Variants in SLC6A19 observed in about 807,000 individuals in gnomAD.
SLC6A19 encodes the protein solute carrier family 6 member 19, also known as sodium-dependent neutral amino acid transporter B(0)AT1.
Under a neutral mutation model 68.3 loss-of-function variants are expected in SLC6A19, and 67 were observed. The observed-to-expected ratio is 0.98, with a 90% CI of 0.81 to 1.20. SLC6A19 has a LOEUF of 1.20. Ranked by LOEUF, SLC6A19 falls within the 50% of genes most tolerant of loss-of-function variation. The probability of loss-of-function intolerance (pLI) is 0.00; values close to 1 mark genes in which losing one functional copy is unlikely to be tolerated. For synonymous variants in SLC6A19, 392 were observed against 374.9 expected (o/e 1.05, Z -0.53); for missense variants, 813 against 851.6 (o/e 0.95, Z 0.56).
Position 1,221,890 on chromosome 5 carries a change from G to A in SLC6A19, c.1891G>A (p.Asp631Asn). ...ACTGTCCACAGCCTCCATGAACGGGGACCTGAAGTACTGAGAAGGCCCATC... is the reference window on the plus strand; with the variant it reads ...ACTGTCCACAGCCTCCATGAACGGGAACCTGAAGTACTGAGAAGGCCCATC... Reference protein sequence around the residue: ...STLSTASMNGDLKY With the variant: ...STLSTASMNGNLKY The change falls in exon 12 of 12, where the codon GAC becomes AAC. Residue 631 changes from aspartate to asparagine, a missense_variant. By Grantham distance (23) the Asp-to-Asn change is conservative. Transcript: ENST00000304460. The A allele has an allele frequency of 1.2e-6, 2 of 1,614,112 alleles. No homozygotes were observed. The highest frequency in any genetic ancestry group is 1.1e-5 in the South Asian group (1 of 91,076).
At chr5:1,213,605 C>A (rs760248343) in intron 5 of SLC6A19, 32 bp downstream of exon 5, 2 of 1,588,698 alleles carry the variant, frequency 1.3e-6, no homozygotes, top group Non-Finnish European at 8.6e-7. Context: ...GGGCCCAGAC[C>A]CCGGGAGAGG....
rs961526802 is a variant in SLC6A19 at position 1,221,216 on chromosome 5, G to A, written c.1604G>A (p.Arg535His). 2.2e-5 allele frequency: 36 copies of A among 1,613,988 alleles called. No individual in the cohort carries two copies. Among genetic ancestry groups the A allele is most frequent in the Middle Eastern group, 1.6e-4 (1 of 6,084 alleles). Reference sequence around the variant, plus strand: ...AACATCTTCTGGCAAGTCACGTGGCGCGTGGTCAGCCCCCTGCTCATGCTG... The same window carrying A: ...AACATCTTCTGGCAAGTCACGTGGCACGTGGTCAGCCCCCTGCTCATGCTG... ...KPNIFWQVTW[R>H]VVSPLLMLII... The change falls in exon 11 of 12, where the codon CGC (arginine) becomes CAC (histidine). Residue 535 changes from arginine (R) to histidine (H), a missense_variant. Physicochemically the swap from Arg to His is conservative, Grantham distance 29. Coordinates refer to ENST00000304460, the MANE Select transcript of SLC6A19 (RefSeq NM_001003841.3).
intron 1 of SLC6A19, among the ~76,000 whole-genome samples, chr5:1,203,144 G>A (rs1296986537): frequency 6.6e-6 from 1 of 152,088 alleles, no homozygotes; most frequent in Non-Finnish European, 1.5e-5. Context: ...CCCCACTGGG[G>A]ATGGAGGGGC....
chr5:1,218,822 G>C, intron 8 of SLC6A19, 81 bp from the exon 9 acceptor site: 1 of 1,474,760 alleles, frequency 6.8e-7, no homozygotes, highest in Non-Finnish European at 9.3e-7. Flanking sequence ...GCGTGGCTTG[G>C]CGACGCACGA....
At position 1,219,509 on chromosome 5, in the gene SLC6A19, C is replaced by T. The variant is rs200312665; in HGVS notation, c.1383C>T (p.Leu461=). The change falls in exon 10 of 12, where the codon CTC becomes CTT. Residue 461 remains leucine (L), a synonymous_variant. Transcript: ENST00000304460. ...GCTCTGTCCCCCGGCCTGCAGGCCT[C>T]ATCTGCCTGGGGACATTCCTCATTG... ...PKWPKEVLTG[L]ICLGTFLIGF... is the part of the protein sequence containing the mutation. 15 of 1,611,478 alleles carry T rather than the reference C, an allele frequency of 9.3e-6. No homozygotes were observed. The East Asian group carries it at 2.9e-4, about 31-fold the overall frequency.
In SLC6A19 at chr5:1,212,407, T is replaced by C. The variant is rs1746068982; in HGVS notation, c.586T>C (p.Trp196Arg). 6.2e-7 allele frequency: 1 copy of C among 1,612,780 alleles called. No homozygotes were observed. The highest frequency in any genetic ancestry group is 1.7e-5 in the Admixed American group (1 of 59,986). The change falls in exon 4 of 12, where the codon TGG becomes CGG. Residue 196 changes from tryptophan to arginine, a missense_variant. Transcript: ENST00000304460. This position sits in a 1 kb window ranked among gnomAD's most constrained non-coding sequence, Gnocchi z 5.1. ...CAGCGACTCGGGCTCCATCCAGTGG[T>C]GGATGCTGCTGTGCCTGGCCTGCGC... ...SISDSGSIQW[W>R]MLLCLACAWS... is the part of the protein sequence containing the mutation.
chr5:1,205,767 A>G (rs1745835170), intron 1 of SLC6A19, among the ~76,000 whole-genome samples: 1 of 152,194 alleles, frequency 6.6e-6, no homozygotes, highest in African/African-American at 2.4e-5. Context: ...TCTTGGGAAA[A>G]AAAAATTGGA....
rs1746426408 is a variant in SLC6A19, at chr5:1,222,659, G to GCGCATATGGACACGCATGGACA, written c.*769_*790dup. On this transcript the variant is annotated 3_prime_UTR_variant, in exon 12 of 12. Transcript: ENST00000304460. ...TGTGCATGCCAGTGTGTATGTATGT[G>GCGCATATGGACACGCATGGACA]CGCATATGGACACGCATGGACACGC... 1 of 225,116 alleles carries GCGCATATGGACACGCATGGACA rather than the reference G, an allele frequency of 4.4e-6. No homozygotes were observed. Among genetic ancestry groups the GCGCATATGGACACGCATGGACA allele is most frequent in the East Asian group, 8.8e-5 (1 of 11,406 alleles). The allele number at this position is 225,116 out of a possible 1,614,324, so 13.9% of individuals were successfully genotyped here. A position where few individuals can be genotyped will look rare whatever the true frequency, so the allele number is the denominator to read the frequency against.
intron 4 of SLC6A19, among the ~76,000 whole-genome samples, chr5:1,213,022 C>T (rs1161305278): frequency 1.4e-5 from 2 of 142,334 alleles, no homozygotes; most frequent in African/African-American, 5.3e-5. Context: ...AGGCCCTGCC[C>T]CCCATCCCCA....
chr5:1,210,367 C>T, intron 2 of SLC6A19, 77 bp from the exon 3 acceptor site: 1 of 1,594,018 alleles, frequency 6.3e-7, no homozygotes. Context: ...GCCCTGGGAC[C>T]TCCTGCTCAG....
Position 1,223,750 on chromosome 5 carries a change from A to G in SLC6A19, c.*1846A>G, listed in dbSNP as rs1010880185. Reference sequence around the variant, plus strand: ...TCCATAGAAGAATCTGGACGCTTACATTAAACTGATGTTCTGAGAATTCCT... The same window carrying G: ...TCCATAGAAGAATCTGGACGCTTACGTTAAACTGATGTTCTGAGAATTCCT... On this transcript the variant is annotated 3_prime_UTR_variant, in exon 12 of 12. Coordinates refer to ENST00000304460, the MANE Select transcript of SLC6A19 (RefSeq NM_001003841.3). 2 of 152,232 alleles carry G rather than the reference A, an allele frequency of 1.3e-5. No individual in the cohort carries two copies. The highest frequency in any genetic ancestry group is 2.9e-5 in the Non-Finnish European group (2 of 68,050). 9.4% of individuals were successfully genotyped at this position (152,232 alleles called of 1,614,324 possible).
At chr5:1,205,574 A>G (rs1745830797) in intron 1 of SLC6A19, among the ~76,000 whole-genome samples, 1 of 152,208 alleles carries the variant, frequency 6.6e-6, no homozygotes, top group Admixed American at 6.5e-5. Flanking sequence ...CTCTCAAAAG[A>G]GGGGACACCC....
rs142954960 is a variant in SLC6A19, at chr5:1,201,679, G to A, written c.29G>A (p.Gly10Asp). MVRLVLPNP[G>D]LDARIPSLAE... is the part of the protein sequence containing the mutation. ...GTGAGGCTCGTGCTGCCCAACCCCG[G>A]CCTAGACGCCCGGATCCCGTCCCTG... Residue 10 changes from glycine to aspartate, a missense_variant, in exon 1 of 12, where the codon GGC (glycine) becomes GAC (aspartate). Physicochemically the swap from Gly to Asp is moderately conservative, Grantham distance 94. Transcript: ENST00000304460. The A allele has an allele frequency of 2.7e-5, 44 of 1,609,298 alleles. No individual in the cohort carries two copies. The highest frequency in any genetic ancestry group is 1.7e-4 in the Middle Eastern group (1 of 5,870).
In SLC6A19 at chr5:1,223,561, C is replaced by T. The variant is rs189248399; in HGVS notation, c.*1657C>T. On this transcript the variant is annotated 3_prime_UTR_variant, in exon 12 of 12. Transcript: ENST00000304460. ...TCGGCACTTGGGACATCTGCTTCCA[C>T]GGACAGGTCACCTCCGCTTTGCACG... 29 of 137,406 alleles carry T rather than the reference C, an allele frequency of 2.1e-4. No individual in the cohort carries two copies. The highest frequency in any genetic ancestry group is 5.2e-4 in the African/African-American group (21 of 40,414). 8.5% of individuals were successfully genotyped at this position (137,406 alleles called of 1,614,324 possible).
At chr5:1,210,088 A>G (rs935093948) in intron 2 of SLC6A19, among the ~76,000 whole-genome samples, 2 of 152,254 alleles carry the variant, frequency 1.3e-5, no homozygotes, top group Non-Finnish European at 1.5e-5. Context: ...CTACTGGTAC[A>G]TCAAAAGTTC....
chr5:1,210,378 A>C, intron 2 of SLC6A19, 66 bp from the exon 3 acceptor site: 2 of 1,602,766 alleles, frequency 1.2e-6, no homozygotes, highest in Non-Finnish European at 1.7e-6. Flanking sequence ...TCCTGCTCAG[A>C]GTGGGGATGG....
In SLC6A19 at chr5:1,224,374, T is replaced by A. The variant is rs1299051456; in HGVS notation, c.*2470T>A. The A allele has an allele frequency of 6.6e-6, 1 of 152,238 alleles. No individual in the cohort carries two copies. The highest frequency in any genetic ancestry group is 1.5e-5 in the Non-Finnish European group (1 of 68,042). 9.4% of individuals were successfully genotyped at this position (152,238 alleles called of 1,614,324 possible). ...ACATTTCTAAATAAATCCCTTCTAT[T>A]GAGTATGCTCACCCTAGAAGTTACT... On this transcript the variant is annotated 3_prime_UTR_variant, in exon 12 of 12. Coordinates refer to ENST00000304460, the MANE Select transcript of SLC6A19 (RefSeq NM_001003841.3).
At chr5:1,203,646 G>A (rs1175693103) in intron 1 of SLC6A19, among the ~76,000 whole-genome samples, 3 of 152,244 alleles carry the variant, frequency 2.0e-5, no homozygotes, top group South Asian at 2.1e-4. Context: ...CTGCGGCATC[G>A]CAGATGGCTC....
chr5:1,213,768 T>G (rs922190712), intron 5 of SLC6A19, among the ~76,000 whole-genome samples, 185 bp from the exon 6 acceptor site: 36 of 151,852 alleles, frequency 2.4e-4, no homozygotes, highest in African/African-American at 8.5e-4. Context: ...CCTGGGAGGG[T>G]GGCTTTGCCC....
Sources: gnomAD v4.1 joint callset for allele counts (sites outside exome capture counted in the v4.1 genomes callset) on GRCh38, gnomAD v4.1.1 for gene constraint, Gnocchi (gnomAD v3.1) non-coding constraint, MANE v1.5 for transcripts, NCBI Gene and HGNC (gene_info 2026-07-23, HGNC 2026-07-21) for gene names.